The following PCDHGB2 variants were observed in gnomAD, a reference collection of about 807,000 sequenced individuals.
PCDHGB2 encodes protocadherin gamma-B2.
PCDHGB2 carries 55 observed loss-of-function variants against 59.3 expected under a neutral mutation model. The ratio of observed to expected loss-of-function variants is 0.93; its 90% CI spans 0.75 to 1.16. The LOEUF is 1.16. PCDHGB2 is among the 50% of genes most tolerant of loss of function. The probability of loss-of-function intolerance (pLI) is 0.00; values close to 1 mark genes in which losing one functional copy is unlikely to be tolerated. For synonymous variants in PCDHGB2, 516 were observed against 512.0 expected (o/e 1.01, Z -0.11); for missense variants, 1,228 against 1,198.5 (o/e 1.02, Z -0.36).
chr5:141,399,691 C>T (rs2093867392), intron 1 of PCDHGB2: 1 of 1,613,362 alleles, frequency 6.2e-7, no homozygotes, highest in Admixed American at 1.7e-5. Flanking sequence ...CGAGCAGCTG[C>T]GCACCTTCGA....
At chr5:141,404,769 A>C (rs528627644) in intron 1 of PCDHGB2, 1 of 1,611,124 alleles carries the variant, frequency 6.2e-7, no homozygotes, top group South Asian at 1.1e-5. Context: ...TGGCTCTCCT[A>C]CCGCCTATTC....
intron 1 of PCDHGB2, among the ~76,000 whole-genome samples, chr5:141,450,233 G>A (rs2098674391): frequency 6.6e-6 from 1 of 152,026 alleles, no homozygotes; most frequent in Non-Finnish European, 1.5e-5. Flanking sequence ...GGCCAGGCTA[G>A]TCTTGAACTC....
intron 1 of PCDHGB2, among the ~76,000 whole-genome samples, chr5:141,469,599 A>G (rs2099206392): frequency 6.6e-6 from 1 of 152,192 alleles, no homozygotes; most frequent in Non-Finnish European, 1.5e-5. Flanking sequence ...ATAAAACAAA[A>G]TAAGTAAAAT....
chr5:141,372,270 G>T, intron 1 of PCDHGB2: 1 of 1,613,182 alleles, frequency 6.2e-7, no homozygotes, highest in Non-Finnish European at 8.5e-7. Context: ...CACGGGTGAG[G>T]TGCGCACGGC....
At chr5:141,375,722 T>TCA (rs1339196797) in intron 1 of PCDHGB2, 5 of 1,614,260 alleles carry the variant, frequency 3.1e-6, no homozygotes, top group African/African-American at 2.7e-5. Context: ...CAGCAACGTG[T>TCA]CACTGAGCCT....
Position 141,388,177 on chromosome 5 carries a change from A to T in PCDHGB2, c.2421+25621A>T, listed in dbSNP as rs778496978. 25 of 1,515,690 alleles carry T rather than the reference A, an allele frequency of 1.6e-5. No individual in the cohort carries two copies. The Admixed American group carries it at 4.5e-4, about 27-fold the overall frequency. 93.9% of individuals were successfully genotyped at this position (1,515,690 alleles called of 1,614,324 possible). On this transcript the variant is annotated intron_variant, in intron 1 of 3. Coordinates refer to ENST00000522605, the MANE Select transcript of PCDHGB2 (RefSeq NM_018923.3). The stretch of plus-strand genomic sequence containing the variant: ...CTAGACAGGGAGGAGATATGCGGGA[A>T]GAAGCCAGCTTGTGCTCTGGAATTT...
chr5:141,399,278 G>A (rs1373250809), intron 1 of PCDHGB2: 2 of 1,613,792 alleles, frequency 1.2e-6, no homozygotes, highest in African/African-American at 1.3e-5. Context: ...CAATTACAAG[G>A]CGAAGTCCCT....
intron 3 of PCDHGB2, among the ~76,000 whole-genome samples, chr5:141,506,011 C>T (rs1209221520): frequency 6.6e-6 from 1 of 152,204 alleles, no homozygotes; most frequent in Non-Finnish European, 1.5e-5. Flanking sequence ...TCCTCTTTTG[C>T]TGCCCCTAAC....
chr5:141,393,249 G>C, intron 1 of PCDHGB2: 7 of 1,613,786 alleles, frequency 4.3e-6, no homozygotes, highest in Non-Finnish European at 5.9e-6. Context: ...TAACGAAATC[G>C]CGGTTCCTGG....
chr5:141,384,471 G>T lies in PCDHGB2; in HGVS notation c.2421+21915G>T, dbSNP rs200621761. On this transcript the variant is annotated intron_variant, in intron 1 of 3. Coordinates refer to ENST00000522605, the MANE Select transcript of PCDHGB2 (RefSeq NM_018923.3). ...CGCTGCAATCCTTTGATTATGAGCA[G>T]TTGAGAGAACTACAACTAAGAGTGA... The T allele has an allele frequency of 1.4e-4, 226 of 1,614,000 alleles. No homozygotes were observed. The highest frequency in any genetic ancestry group is 4.2e-4 in the Admixed American group (25 of 60,010).
At chr5:141,449,567 C>T (rs1412647192) in intron 1 of PCDHGB2, among the ~76,000 whole-genome samples, 2 of 133,846 alleles carry the variant, frequency 1.5e-5, no homozygotes, top group Non-Finnish European at 3.1e-5. Context: ...CCAGCCTGGG[C>T]GACAGAGCAA....
chr5:141,403,340 G>T, intron 1 of PCDHGB2: 3 of 1,613,982 alleles, frequency 1.9e-6, no homozygotes, highest in African/African-American at 1.3e-5. Flanking sequence ...TAACGACAGC[G>T]CCCCAAAGTT....
intron 1 of PCDHGB2, chr5:141,429,167 T>TATAC (rs1240034860): frequency 3.1e-4 from 42 of 136,210 alleles, no homozygotes; most frequent in African/African-American, 7.0e-4. Flanking sequence ...AGACATTGTT[T>TATAC]ATACACACAC....
chr5:141,384,959 A>G (rs771197511), intron 1 of PCDHGB2: 2 of 1,613,600 alleles, frequency 1.2e-6, no homozygotes, highest in Admixed American at 1.7e-5. Flanking sequence ...CCTTACAACT[A>G]TGACCTCACG....
At chr5:141,438,268 C>T (rs949472857) in intron 1 of PCDHGB2, among the ~76,000 whole-genome samples, 1 of 152,054 alleles carries the variant, frequency 6.6e-6, no homozygotes. Flanking sequence ...ACCATAGAAT[C>T]AAACAAAATA....
intron 1 of PCDHGB2, among the ~76,000 whole-genome samples, chr5:141,437,842 A>G (rs1372385076): frequency 2.0e-5 from 3 of 150,650 alleles, no homozygotes; most frequent in East Asian, 3.9e-4. Context: ...GGTTCATGCT[A>G]TTCTCCTGCC....
chr5:141,475,978 G>C, intron 1 of PCDHGB2: 1 of 1,010,712 alleles, frequency 9.9e-7, no homozygotes, highest in Non-Finnish European at 1.4e-6. Context: ...AGACTGAACA[G>C]CCGGCGAGCA....
At chr5:141,447,520 T>C (rs1156521785) in intron 1 of PCDHGB2, among the ~76,000 whole-genome samples, 1 of 152,202 alleles carries the variant, frequency 6.6e-6, no homozygotes, top group Non-Finnish European at 1.5e-5. Context: ...ATAACAATCA[T>C]AACAAAATTG....
intron 1 of PCDHGB2, chr5:141,415,384 A>C: frequency 1.9e-6 from 3 of 1,614,180 alleles, no homozygotes; most frequent in Non-Finnish European, 2.5e-6. Flanking sequence ...AGGCGGCTTG[A>C]CAGGTGTGTC....
Sources: allele counts gnomAD v4.1 joint callset (sites outside exome capture counted in the v4.1 genomes callset), GRCh38; gene constraint gnomAD v4.1.1; transcripts MANE v1.5; gene names NCBI Gene and HGNC (gene_info 2026-07-23, HGNC 2026-07-21).